The following EXOC6 variants were observed in gnomAD, a reference collection of about 807,000 sequenced individuals.
EXOC6 encodes the protein exocyst complex component 6, also known as SEC15-like 1.
In EXOC6, 60 loss-of-function variants were observed where a neutral mutation model predicts 112.5. The observed-to-expected ratio is 0.53, with a 90% confidence interval of 0.43 to 0.66. The LOEUF is 0.66. Ranked by LOEUF, EXOC6 falls within the 30% of genes least tolerant of loss-of-function variation. The pLI is 0.00. For missense variants in EXOC6, 855 were observed against 957.1 expected (o/e 0.89, Z 1.41); for synonymous variants, 295 against 308.0 (o/e 0.96, Z 0.44).
intron 17 of EXOC6, among the ~76,000 whole-genome samples, chr10:92,958,182 C>G (rs1206702981): frequency 6.6e-6 from 1 of 152,102 alleles, no homozygotes. Flanking sequence ...CAAGCAGTAC[C>G]TCAGCTTTTT....
chr10:92,934,572 G>T, intron 11 of EXOC6, 142 bp downstream of exon 11: 1 of 685,192 alleles, frequency 1.5e-6, no homozygotes, highest in Non-Finnish European at 2.2e-6. Context: ...AGTAATGTCA[G>T]GCTTTTGTTT....
chr10:92,973,226 C>T (rs891513440), intron 17 of EXOC6, among the ~76,000 whole-genome samples: 2 of 152,196 alleles, frequency 1.3e-5, no homozygotes, highest in African/African-American at 2.4e-5. Context: ...TTTGAAGGAG[C>T]TGCAGCTCTG....
chr10:92,984,095 A>G lies in EXOC6; in HGVS notation c.1953+9863A>G, dbSNP rs145465004. 3.7e-3 allele frequency among the ~76,000 whole-genome samples: 565 copies of G among 152,236 alleles called. 2 individuals are homozygous for G. Among genetic ancestry groups the G allele is most frequent in the African/African-American group, 0.013 (520 of 41,558 alleles). ...ACTGGTGTTTGTTATGATTATGCCCATATTGTTCCCTTTACACAAAGCATA... is the reference window on the plus strand; with the variant it reads ...ACTGGTGTTTGTTATGATTATGCCCGTATTGTTCCCTTTACACAAAGCATA... On this transcript the variant is annotated intron_variant, in intron 18 of 21. Coordinates refer to ENST00000260762, the MANE Select transcript of EXOC6 (RefSeq NM_019053.6).
At chr10:92,913,860 A>G (rs1403977296) in intron 6 of EXOC6, among the ~76,000 whole-genome samples, 2 of 152,246 alleles carry the variant, frequency 1.3e-5, no homozygotes, top group Non-Finnish European at 2.9e-5. Context: ...AAATTAGTTT[A>G]GAGCTGAGTT....
intron 18 of EXOC6, among the ~76,000 whole-genome samples, chr10:92,981,551 G>A (rs531348814): frequency 5.9e-5 from 9 of 152,254 alleles, no homozygotes; most frequent in African/African-American, 2.2e-4. Context: ...TTTTATGGTA[G>A]AAGTAAATAG....
intron 18 of EXOC6, among the ~76,000 whole-genome samples, chr10:92,985,552 C>T (rs1425948332): frequency 6.6e-6 from 1 of 151,950 alleles, no homozygotes; most frequent in Non-Finnish European, 1.5e-5. Flanking sequence ...CTTAGTCTGC[C>T]ATCTTGATTC....
At chr10:92,835,704 T>C (rs1195443060) in intron 1 of EXOC6, among the ~76,000 whole-genome samples, 1 of 152,222 alleles carries the variant, frequency 6.6e-6, no homozygotes, top group East Asian at 1.9e-4. Flanking sequence ...GCTATTTAAA[T>C]CTTATTTTGC....
chr10:92,941,715 G>A (rs966127963), intron 13 of EXOC6, among the ~76,000 whole-genome samples: 7 of 152,096 alleles, frequency 4.6e-5, no homozygotes, highest in Non-Finnish European at 1.0e-4. Flanking sequence ...ACTAGATTAA[G>A]AATCTTAAAG....
chr10:92,837,097 A>AC (rs112851564), intron 1 of EXOC6, among the ~76,000 whole-genome samples: 2 of 139,778 alleles, frequency 1.4e-5, no homozygotes, highest in South Asian at 2.3e-4. Flanking sequence ...GTTATAACAT[A>AC]ACACACACAC....
intron 17 of EXOC6, among the ~76,000 whole-genome samples, chr10:92,962,002 G>A (rs1476840720): frequency 6.6e-5 from 10 of 152,058 alleles, no homozygotes; most frequent in African/African-American, 2.2e-4. Flanking sequence ...TTAGGTAATC[G>A]GAGAATTAGA....
intron 1 of EXOC6, among the ~76,000 whole-genome samples, chr10:92,873,014 A>G (rs1433214440): frequency 1.4e-4 from 22 of 152,198 alleles, no homozygotes; most frequent in Admixed American, 1.4e-3. Flanking sequence ...AAAGCAGTCT[A>G]TATTTGCATT....
intron 20 of EXOC6, among the ~76,000 whole-genome samples, chr10:93,039,990 G>A (rs887729875): frequency 3.9e-4 from 59 of 152,196 alleles, no homozygotes; most frequent in African/African-American, 1.3e-3. Flanking sequence ...ATTTCTATTT[G>A]TAGACCATTG....
At chr10:92,856,216 T>A (rs1847595030) in intron 1 of EXOC6, among the ~76,000 whole-genome samples, 2 of 151,904 alleles carry the variant, frequency 1.3e-5, no homozygotes, top group Admixed American at 1.3e-4. Flanking sequence ...TATTACTTTC[T>A]TTCTTCTGCT....
chr10:93,010,387 C>T (rs1844183124), intron 19 of EXOC6, among the ~76,000 whole-genome samples: 1 of 152,060 alleles, frequency 6.6e-6, no homozygotes, highest in South Asian at 2.1e-4. Flanking sequence ...AGTCACTTTC[C>T]TTTTAATTTT....
chr10:92,977,939 C>G (rs1300979193), intron 18 of EXOC6, among the ~76,000 whole-genome samples: 1 of 152,132 alleles, frequency 6.6e-6, no homozygotes, highest in African/African-American at 2.4e-5. Context: ...GATCACTCAT[C>G]TATCTGTTAC....
rs182677457 is a variant in EXOC6 at position 92,958,820 on chromosome 10, G to T, written c.1773+3106G>T. Among the ~76,000 whole-genome samples, 318 of 152,288 alleles carry T rather than the reference G, an allele frequency of 2.1e-3. 2 individuals are homozygous for T. Among genetic ancestry groups the T allele is most frequent in the African/African-American group, 7.4e-3 (306 of 41,558 alleles). On this transcript the variant is annotated intron_variant, in intron 17 of 21. Transcript: ENST00000260762. ...TATAAAGCTGTAGTAATGAGGCTGG[G>T]TGCAGTGGCTCATGCCTGTAATCCC...
chr10:92,993,193 A>G (rs1430673798), intron 18 of EXOC6, among the ~76,000 whole-genome samples: 2 of 152,156 alleles, frequency 1.3e-5, no homozygotes, highest in Non-Finnish European at 2.9e-5. Flanking sequence ...TTTTTAAACA[A>G]AACCTTTTAT....
At chr10:93,024,266 A>C (rs1243347169) in intron 20 of EXOC6, among the ~76,000 whole-genome samples, 1 of 152,228 alleles carries the variant, frequency 6.6e-6, no homozygotes, top group Non-Finnish European at 1.5e-5. Flanking sequence ...TCCTTTGCCC[A>C]AAGAATGCTG....
At chr10:92,831,221 G>T (rs1846469407), upstream of EXOC6, 1 of 655,186 alleles carries the variant, frequency 1.5e-6, no homozygotes, top group African/African-American at 1.9e-5. Flanking sequence ...GGGAGTAGAG[G>T]GAGGGTGGGG....
Sources: gnomAD v4.1 joint callset for allele counts (sites outside exome capture counted in the v4.1 genomes callset) on GRCh38, gnomAD v4.1.1 for gene constraint, MANE v1.5 for transcripts, NCBI Gene and HGNC (gene_info 2026-07-23, HGNC 2026-07-21) for gene names.